The following CTNNA1 variants were observed in gnomAD, a reference collection of about 807,000 sequenced individuals.
CTNNA1 encodes catenin alpha-1.
In CTNNA1, 37 loss-of-function variants were observed where a neutral mutation model predicts 98.4. The ratio of observed to expected loss-of-function variants is 0.38; its 90% CI spans 0.29 to 0.49. The LOEUF is 0.49. Among genes scored for constraint, CTNNA1 ranks in the 20% least tolerant of loss-of-function variants. The pLI, the probability that CTNNA1 is intolerant of heterozygous loss-of-function variation, is 0.95. For missense variants in CTNNA1, 761 were observed against 1,147.2 expected (o/e 0.66, Z 4.86); for synonymous variants, 404 against 413.2 (o/e 0.98, Z 0.27).
chr5:138,856,568 C>G (rs1193491383), intron 7 of CTNNA1, among the ~76,000 whole-genome samples: 4 of 152,180 alleles, frequency 2.6e-5, no homozygotes, highest in Non-Finnish European at 4.4e-5. Flanking sequence ...TCTCAAACTC[C>G]TGGCCTCAAA....
intron 7 of CTNNA1, among the ~76,000 whole-genome samples, chr5:138,864,330 C>A (rs577370353): frequency 6.6e-6 from 1 of 152,240 alleles, no homozygotes; most frequent in African/African-American, 2.4e-5. Context: ...CTTATAGAAG[C>A]AATTGGGAAA....
chr5:138,865,834 A>T (rs1764701869), intron 7 of CTNNA1, among the ~76,000 whole-genome samples: 1 of 152,110 alleles, frequency 6.6e-6, no homozygotes, highest in African/African-American at 2.4e-5. Context: ...TTTTATTCTA[A>T]GTTTCCTTGA....
At chr5:138,899,818 A>G (rs1465892281) in intron 9 of CTNNA1, among the ~76,000 whole-genome samples, 1 of 152,232 alleles carries the variant, frequency 6.6e-6, no homozygotes, top group Non-Finnish European at 1.5e-5. Context: ...TAAAAATTGA[A>G]AAAGCATTAT....
At chr5:138,912,700 G>T (rs1345461978) in intron 10 of CTNNA1, among the ~76,000 whole-genome samples, 1 of 152,182 alleles carries the variant, frequency 6.6e-6, no homozygotes, top group Non-Finnish European at 1.5e-5. Context: ...TACAGTGATC[G>T]TGCCTAGTTG....
At chr5:138,807,783 T>G (rs1217225145) in intron 3 of CTNNA1, among the ~76,000 whole-genome samples, 3 of 152,152 alleles carry the variant, frequency 2.0e-5, no homozygotes, top group Non-Finnish European at 4.4e-5. Context: ...GTTTCACTCT[T>G]GTTGCTCAGG....
chr5:138,827,825 A>C, intron 7 of CTNNA1, 107 bp downstream of exon 7: 4 of 1,375,854 alleles, frequency 2.9e-6, no homozygotes, highest in Non-Finnish European at 3.9e-6. Context: ...TATGTCCTTG[A>C]CTCCTTGATT....
At chr5:138,809,150 TATAA>T (rs1390099201) in intron 3 of CTNNA1, among the ~76,000 whole-genome samples, 1 of 152,174 alleles carries the variant, frequency 6.6e-6, no homozygotes, top group Non-Finnish European at 1.5e-5. Flanking sequence ...ATGCCCAGCC[TATAA>T]ATAAATTCTT....
chr5:138,932,030 A>G (rs1580922846), intron 16 of CTNNA1: 4 of 985,410 alleles, frequency 4.1e-6, no homozygotes, highest in South Asian at 9.4e-5. Flanking sequence ...ACCATCCCCA[A>G]CTGCTTTTTT....
intron 1 of CTNNA1, chr5:138,754,673 A>T (rs1751425416): frequency 6.6e-6 from 1 of 152,142 alleles, no homozygotes; most frequent in African/African-American, 2.4e-5. Flanking sequence ...ATTAATTAGG[A>T]TGTGTTATTT....
chr5:138,917,352 TTAATGATA>T, intron 10 of CTNNA1, among the ~76,000 whole-genome samples: 1 of 152,350 alleles, frequency 6.6e-6, no homozygotes, highest in South Asian at 2.1e-4. Context: ...AAACATATAT[TTAATGATA>T]TGGAGAAGCA....
chr5:138,902,952 A>C (rs766943021), intron 9 of CTNNA1, among the ~76,000 whole-genome samples: 1 of 152,030 alleles, frequency 6.6e-6, no homozygotes, highest in Non-Finnish European at 1.5e-5. Context: ...GTGATTTTTT[A>C]AGCAAACAAA....
intron 7 of CTNNA1, among the ~76,000 whole-genome samples, chr5:138,862,055 G>A (rs1264569516): frequency 6.6e-6 from 1 of 152,108 alleles, no homozygotes; most frequent in African/African-American, 2.4e-5. Context: ...GAAGAATCTG[G>A]GTCATAAGAT....
chr5:138,880,594 A>G (rs288030), intron 7 of CTNNA1: 47,844 of 155,570 alleles, frequency 0.31, 7,556 homozygotes, highest in African/African-American at 0.37. Context: ...TGAAATACAT[A>G]GCCAAGTTTG....
intron 11 of CTNNA1, among the ~76,000 whole-genome samples, chr5:138,918,693 G>A (rs1762299549): frequency 6.6e-6 from 1 of 152,212 alleles, no homozygotes; most frequent in South Asian, 2.1e-4. Context: ...TCTTCTTAGA[G>A]TTGAGTAACT....
At chr5:138,770,108 T>G (rs1246698605) in intron 1 of CTNNA1, among the ~76,000 whole-genome samples, 2 of 152,232 alleles carry the variant, frequency 1.3e-5, no homozygotes, top group African/African-American at 2.4e-5. Flanking sequence ...GTGCTGGGAT[T>G]ACAGGTGTGA....
intron 1 of CTNNA1, among the ~76,000 whole-genome samples, chr5:138,770,289 A>G (rs1377007829): frequency 1.3e-5 from 2 of 152,130 alleles, no homozygotes; most frequent in East Asian, 3.8e-4. Flanking sequence ...CTAGTCATTC[A>G]GTCTCATGGA....
Position 138,874,187 on chromosome 5 carries a change from G to A in CTNNA1, c.1063-12025G>A. 2 of 1,613,928 alleles carry A rather than the reference G, an allele frequency of 1.2e-6. No individual in the cohort carries two copies. The highest frequency in any genetic ancestry group is 1.7e-6 in the Non-Finnish European group (2 of 1,179,862). ...AATCAGTTGGGTAAAAGTTGTGTTT[G>A]GCAAGTAAAATATTTTGTTGGAACT... is the stretch of plus-strand genomic sequence containing the variant. On this transcript the variant is annotated intron_variant, in intron 7 of 17. Transcript: ENST00000302763. The surrounding 1 kb of genome is among the most constrained non-coding windows in gnomAD (Gnocchi z 4.1).
chr5:138,842,885 A>G (rs1762389043), intron 7 of CTNNA1, among the ~76,000 whole-genome samples: 1 of 152,210 alleles, frequency 6.6e-6, no homozygotes, highest in Non-Finnish European at 1.5e-5. Context: ...CAGGGCTTTC[A>G]TATTGGCCAA....
At chr5:138,774,369 T>C (rs1753857133) in intron 1 of CTNNA1, among the ~76,000 whole-genome samples, 2 of 152,026 alleles carry the variant, frequency 1.3e-5, no homozygotes, top group Admixed American at 6.6e-5. Context: ...GTAAGACTTC[T>C]TGGAAGTTGT....
Sources: allele counts gnomAD v4.1 joint callset (sites outside exome capture counted in the v4.1 genomes callset), GRCh38; gene constraint gnomAD v4.1.1; non-coding constraint Gnocchi (gnomAD v3.1); transcripts MANE v1.5; gene names NCBI Gene and HGNC (gene_info 2026-07-23, HGNC 2026-07-21).